Variants in LIPC observed in about 807,000 individuals in gnomAD.
LIPC encodes lipase C, hepatic type, also known as hepatic triacylglycerol lipase.
Under a neutral mutation model 50.7 loss-of-function variants are expected in LIPC, and 44 were observed. The ratio of observed to expected loss-of-function variants is 0.87; its 90% CI spans 0.68 to 1.11. LIPC has a LOEUF of 1.11. Among genes scored for constraint, LIPC ranks in the 50% most tolerant of loss-of-function variants. The pLI, the probability that LIPC is intolerant of heterozygous loss-of-function variation, is 0.00. For synonymous variants in LIPC, 271 were observed against 256.4 expected (o/e 1.06, Z -0.54); for missense variants, 697 against 648.2 (o/e 1.08, Z -0.82).
chr15:58,493,098 TC>T (rs1566927953), intron 1 of LIPC, among the ~76,000 whole-genome samples: 2 of 152,130 alleles, frequency 1.3e-5, no homozygotes, highest in Non-Finnish European at 1.5e-5. Context: ...TTAGGAAGCT[TC>T]CCATCCACCC....
chr15:58,540,105 A>G (rs1361786983), intron 2 of LIPC, among the ~76,000 whole-genome samples: 5 of 152,226 alleles, frequency 3.3e-5, no homozygotes, highest in Non-Finnish European at 7.3e-5. Flanking sequence ...GCCACTATCC[A>G]TTATGTAATC....
intron 1 of LIPC, among the ~76,000 whole-genome samples, chr15:58,518,459 C>T (rs1436836504): frequency 3.3e-5 from 5 of 152,048 alleles, no homozygotes; most frequent in African/African-American, 9.7e-5. Flanking sequence ...CAGAATTGTG[C>T]AGCACCAGGG....
At chr15:58,482,958 C>A (rs1180546160) in intron 1 of LIPC, among the ~76,000 whole-genome samples, 1 of 152,160 alleles carries the variant, frequency 6.6e-6, no homozygotes, top group Admixed American at 6.5e-5. Context: ...CAGAACCTGG[C>A]CAGCCTTATA....
intron 1 of LIPC, among the ~76,000 whole-genome samples, chr15:58,432,963 A>G (rs1893174636): frequency 6.6e-6 from 1 of 152,222 alleles, no homozygotes; most frequent in South Asian, 2.1e-4. Context: ...CCCTAACGGG[A>G]TGTACCTAAA....
At chr15:58,531,732 A>G (rs1377454983) in intron 1 of LIPC, among the ~76,000 whole-genome samples, 5 of 152,144 alleles carry the variant, frequency 3.3e-5, no homozygotes, top group African/African-American at 1.2e-4. Context: ...AAGAGCAACT[A>G]CAACAACAAA....
rs988708872 is a variant in LIPC at position 58,524,829 on chromosome 15, G to A, written c.89-13504G>A. Reference sequence around the variant, plus strand: ...CGGGGATATTCGCCCTTTGTGTTATGAGTTGCAATTATTTTTTCTCACTTT... The same window carrying A: ...CGGGGATATTCGCCCTTTGTGTTATAAGTTGCAATTATTTTTTCTCACTTT... On this transcript the variant is annotated intron_variant, in intron 1 of 8. Transcript: ENST00000299022. Among the ~76,000 whole-genome samples, 23 of 152,202 alleles carry A rather than the reference G, an allele frequency of 1.5e-4. 1 individual carries two copies. The East Asian group carries it at 4.2e-3, about 28-fold the overall frequency.
chr15:58,465,373 A>C (rs1199340427), intron 1 of LIPC, among the ~76,000 whole-genome samples: 1 of 152,238 alleles, frequency 6.6e-6, no homozygotes, highest in East Asian at 1.9e-4. Flanking sequence ...TGTGCTCTTC[A>C]ATAGTCTTAG....
intron 1 of LIPC, among the ~76,000 whole-genome samples, chr15:58,467,938 C>T (rs1323042317): frequency 6.6e-6 from 1 of 152,188 alleles, no homozygotes; most frequent in Non-Finnish European, 1.5e-5. Flanking sequence ...CTGCTTCTAA[C>T]ACAAGGACCG....
intron 1 of LIPC, among the ~76,000 whole-genome samples, chr15:58,533,728 T>C (rs1034754588): frequency 6.6e-6 from 1 of 152,178 alleles, no homozygotes; most frequent in African/African-American, 2.4e-5. Flanking sequence ...AATAAGAATC[T>C]ATGGAACAAA....
chr15:58,496,135 G>GT (rs1440148286), intron 1 of LIPC, among the ~76,000 whole-genome samples: 1 of 152,138 alleles, frequency 6.6e-6, no homozygotes, highest in African/African-American at 2.4e-5. Context: ...AACTGGGATG[G>GT]TTTCGCTCCC....
intron 1 of LIPC, among the ~76,000 whole-genome samples, chr15:58,512,257 C>G (rs542249697): frequency 6.6e-6 from 1 of 152,180 alleles, no homozygotes; most frequent in East Asian, 1.9e-4. Context: ...AGCCACCAAG[C>G]CTGACTAATT....
intron 1 of LIPC, among the ~76,000 whole-genome samples, chr15:58,463,446 C>T (rs1454676988): frequency 6.6e-6 from 1 of 152,214 alleles, no homozygotes; most frequent in Non-Finnish European, 1.5e-5. Context: ...TCCACCCTCT[C>T]AAGCTGTGCT....
chr15:58,501,321 T>C (rs1391769628), intron 1 of LIPC, among the ~76,000 whole-genome samples: 1 of 150,562 alleles, frequency 6.6e-6, no homozygotes, highest in Non-Finnish European at 1.5e-5. Context: ...ACTCCCAATG[T>C]GATCATTACC....
intron 1 of LIPC, among the ~76,000 whole-genome samples, chr15:58,507,104 A>C (rs1037860484): frequency 9.2e-5 from 14 of 152,304 alleles, no homozygotes; most frequent in African/African-American, 2.6e-4. Context: ...CTCCCAGGAC[A>C]TGTGGGGATT....
rs374727061 is a variant in LIPC, at chr15:58,486,558, G to A, written c.89-51775G>A. On this transcript the variant is annotated intron_variant, in intron 1 of 8. Transcript: ENST00000299022. The stretch of plus-strand genomic sequence containing the variant: ...ATTCTCAACATCTAGGCCTGGTACA[G>A]ACCAGGTTGTGTGGTCAATGTTTGT... 5.9e-5 allele frequency among the ~76,000 whole-genome samples: 9 copies of A among 152,328 alleles called. No homozygotes were observed. The East Asian group carries it at 1.7e-3, about 29-fold the overall frequency.
chr15:58,522,269 G>A (rs1892680459), intron 1 of LIPC: 1 of 153,552 alleles, frequency 6.5e-6, no homozygotes, highest in Non-Finnish European at 1.5e-5. Flanking sequence ...AGCTTGGGAC[G>A]AGCCACCTCC....
intron 8 of LIPC, among the ~76,000 whole-genome samples, chr15:58,568,357 A>G (rs183337666): frequency 6.6e-6 from 1 of 152,344 alleles, no homozygotes; most frequent in Non-Finnish European, 1.5e-5. Context: ...AGGGTTGAGG[A>G]ACTAGAAATG....
chr15:58,452,485 G>A (rs1595860346), intron 1 of LIPC, among the ~76,000 whole-genome samples: 1 of 152,160 alleles, frequency 6.6e-6, no homozygotes, highest in Admixed American at 6.5e-5. Flanking sequence ...CTTCAGCCAC[G>A]CACTATCAAG....
At chr15:58,447,958 T>A (rs1893759668) in intron 1 of LIPC, among the ~76,000 whole-genome samples, 1 of 152,200 alleles carries the variant, frequency 6.6e-6, no homozygotes, top group Admixed American at 6.5e-5. Flanking sequence ...TTGACTCAAA[T>A]CCAACTGGAT....
Sources: allele counts gnomAD v4.1 joint callset (sites outside exome capture counted in the v4.1 genomes callset), GRCh38; gene constraint gnomAD v4.1.1; transcripts MANE v1.5; gene names NCBI Gene and HGNC (gene_info 2026-07-23, HGNC 2026-07-21).